CERKL: variants seen among roughly 807,000 people sequenced by gnomAD.
The protein encoded by CERKL is CERK like autophagy regulator.
CERKL carries 61 observed loss-of-function variants against 63.4 expected under a neutral mutation model. That is an observed-to-expected ratio of 0.96 (90% CI 0.78 to 1.19). The LOEUF is 1.19. CERKL is among the 50% of genes most tolerant of loss of function. The pLI is 0.00. For synonymous variants in CERKL, 250 were observed against 230.5 expected (o/e 1.08, Z -0.77); for missense variants, 675 against 655.5 (o/e 1.03, Z -0.33).
At chr2:181,614,829 A>G (rs1187501219) in intron 1 of CERKL, among the ~76,000 whole-genome samples, 1 of 152,210 alleles carries the variant, frequency 6.6e-6, no homozygotes, top group East Asian at 1.9e-4. Context: ...ATGTTAAAAC[A>G]TACCTTTATT....
rs140473801 is a variant in CERKL, at chr2:181,653,616, G to A, written c.238+3153C>T. ...TCAATTGTGAATGCTAAGCCTGGAG[G>A]ACATCGTGTTAAGAGAAGTAACCCA... On this transcript the variant is annotated intron_variant, in intron 1 of 12. Transcript: ENST00000410087. Among the ~76,000 whole-genome samples, 956 of 152,304 alleles carry A rather than the reference G, an allele frequency of 6.3e-3. 7 individuals carry two copies. The highest frequency in any genetic ancestry group is 0.022 in the African/African-American group (907 of 41,558).
chr2:181,577,450 A>C (rs1684300227), intron 2 of CERKL, among the ~76,000 whole-genome samples: 1 of 152,080 alleles, frequency 6.6e-6, no homozygotes, highest in Admixed American at 6.5e-5. Context: ...CTCCAGGACC[A>C]GTGGTATGAA....
intron 2 of CERKL, among the ~76,000 whole-genome samples, chr2:181,600,133 T>A (rs1036563830): frequency 6.6e-6 from 1 of 152,132 alleles, no homozygotes; most frequent in Non-Finnish European, 1.5e-5. Context: ...AGAAATAAAG[T>A]CTTTCCCAGG....
chr2:181,629,928 A>G (rs978805753), intron 1 of CERKL, among the ~76,000 whole-genome samples: 5 of 149,084 alleles, frequency 3.4e-5, no homozygotes, highest in African/African-American at 9.9e-5. Context: ...GTTATATATC[A>G]TTTTTAAGTA....
chr2:181,545,137 G>C lies in CERKL; in HGVS notation c.1269-341C>G, dbSNP rs564728261. Among the ~76,000 whole-genome samples the C allele has an allele frequency of 2.0e-5, 3 of 152,260 alleles. No homozygotes were observed. The South Asian group carries it at 6.2e-4, about 32-fold the overall frequency. On this transcript the variant is annotated intron_variant, in intron 10 of 12. Coordinates refer to ENST00000410087, the MANE Select transcript of CERKL (RefSeq NM_201548.5). ...GAAATTCTAAATGTGAAACTATGTT[G>C]TTAAAAGATGTATTATAGAAGAGTT...
chr2:181,589,869 G>C lies in CERKL; in HGVS notation c.481+13968C>G, dbSNP rs917193484. Reference sequence around the variant, plus strand: ...AGAAATGGTCTCACTCTGTTGCCTAGGCTGGAGTGCAATGGCACAATCACT... The same window carrying C: ...AGAAATGGTCTCACTCTGTTGCCTACGCTGGAGTGCAATGGCACAATCACT... On this transcript the variant is annotated intron_variant, in intron 2 of 12. Coordinates refer to ENST00000410087, the MANE Select transcript of CERKL (RefSeq NM_201548.5). Among the ~76,000 whole-genome samples, 4 of 152,136 alleles carry C rather than the reference G, an allele frequency of 2.6e-5. No individual in the cohort carries two copies. In the South Asian group the frequency reaches 8.3e-4, roughly 32 times the overall value.
intron 2 of CERKL, among the ~76,000 whole-genome samples, chr2:181,591,817 G>A (rs1685001350): frequency 6.6e-6 from 1 of 152,154 alleles, no homozygotes; most frequent in Non-Finnish European, 1.5e-5. Context: ...AGTCTACAAG[G>A]TATGACCTCC....
At chr2:181,618,107 G>A (rs1250626081) in intron 1 of CERKL, among the ~76,000 whole-genome samples, 2 of 152,156 alleles carry the variant, frequency 1.3e-5, no homozygotes, top group East Asian at 3.8e-4. Context: ...GATAGACAAA[G>A]GAGACTCAAG....
chr2:181,583,574 C>T (rs1044326419), intron 2 of CERKL, among the ~76,000 whole-genome samples: 1 of 152,196 alleles, frequency 6.6e-6, no homozygotes, highest in African/African-American at 2.4e-5. Flanking sequence ...GATAGTGGTA[C>T]AGCAGTAGTG....
At chr2:181,644,677 C>A (rs576712440) in intron 1 of CERKL, among the ~76,000 whole-genome samples, 1 of 152,204 alleles carries the variant, frequency 6.6e-6, no homozygotes, top group Non-Finnish European at 1.5e-5. Flanking sequence ...TGAAAAGAAC[C>A]TCAAGGAGCT....
rs1170220257 is a variant in CERKL, at chr2:181,536,729, T to TAAATGACTTTCTGGATTTTAA, written c.*1434_*1454dup. 4.0e-6 allele frequency: 1 copy of TAAATGACTTTCTGGATTTTAA among 248,118 alleles called. No individual in the cohort carries two copies. Among genetic ancestry groups the TAAATGACTTTCTGGATTTTAA allele is most frequent in the African/African-American group, 2.3e-5 (1 of 43,562 alleles). 15.4% of individuals were successfully genotyped at this position (248,118 alleles called of 1,614,324 possible). A position where few individuals can be genotyped will look rare whatever the true frequency, so the allele number is the denominator to read the frequency against. ...GTTCATACTATATGAGGTTCTATTT[T>TAAATGACTTTCTGGATTTTAA]AAATGACTTTCTGGATTTTAAAAAA... On this transcript the variant is annotated 3_prime_UTR_variant, in exon 13 of 13. Coordinates refer to ENST00000410087, the MANE Select transcript of CERKL (RefSeq NM_201548.5).
chr2:181,626,010 T>C (rs1686686548), intron 1 of CERKL, among the ~76,000 whole-genome samples: 1 of 152,164 alleles, frequency 6.6e-6, no homozygotes, highest in African/African-American at 2.4e-5. Context: ...CTGGGTGCCA[T>C]TATTATGATC....
intron 1 of CERKL, among the ~76,000 whole-genome samples, chr2:181,629,805 C>A (rs1027199444): frequency 1.3e-5 from 2 of 151,886 alleles, no homozygotes; most frequent in Non-Finnish European, 2.9e-5. Context: ...TTAGATTGAC[C>A]AAGTTCCACA....
intron 1 of CERKL, among the ~76,000 whole-genome samples, chr2:181,607,810 G>A (rs901484647): frequency 6.6e-6 from 1 of 152,194 alleles, no homozygotes; most frequent in African/African-American, 2.4e-5. Context: ...ATACTGTCCT[G>A]TGAAGTTTAA....
intron 1 of CERKL, among the ~76,000 whole-genome samples, chr2:181,650,775 AAG>A (rs1242496723): frequency 1.3e-5 from 2 of 148,908 alleles, no homozygotes; most frequent in Non-Finnish European, 2.9e-5. Flanking sequence ...AAAAGAAAGA[AAG>A]AAAAAAAAGA....
In CERKL at chr2:181,547,628, G is replaced by A. The variant is rs772997424; in HGVS notation, c.1258C>T (p.Pro420Ser). 1.9e-6 allele frequency: 3 copies of A among 1,613,568 alleles called. No individual in the cohort carries two copies. The highest frequency in any genetic ancestry group is 1.7e-6 in the Non-Finnish European group (2 of 1,179,588). Residue 420 changes from proline (P) to serine (S), a missense_variant, in exon 10 of 13, where the codon CCT becomes TCT. Pro to Ser is a moderately conservative substitution (Grantham distance 74). Coordinates refer to ENST00000410087, the MANE Select transcript of CERKL (RefSeq NM_201548.5). ...LCSVAPRGLA[P>S]NTRLNNGSMA... Reference sequence around the variant, plus strand: ...AAAATGCTTACTAACCTGGTATTAGGTGCCAAGCCTCTAGGTGCCACTGAA... The same window carrying A: ...AAAATGCTTACTAACCTGGTATTAGATGCCAAGCCTCTAGGTGCCACTGAA...
At chr2:181,604,586 C>A (rs1685599795) in intron 1 of CERKL, among the ~76,000 whole-genome samples, 1 of 152,102 alleles carries the variant, frequency 6.6e-6, no homozygotes, top group Non-Finnish European at 1.5e-5. Flanking sequence ...ATTCCAAGAA[C>A]ATAAACAAAG....
intron 11 of CERKL, among the ~76,000 whole-genome samples, chr2:181,539,978 C>T (rs1371411813): frequency 6.6e-6 from 1 of 152,182 alleles, no homozygotes; most frequent in Non-Finnish European, 1.5e-5. Flanking sequence ...TTTCAGTTTT[C>T]AGAAAAATGA....
At chr2:181,548,331 G>C (rs565415314) in intron 8 of CERKL, 155 of 583,216 alleles carry the variant, frequency 2.7e-4, no homozygotes, top group Middle Eastern at 1.3e-3. Flanking sequence ...GGGAGAGACA[G>C]GGGGAAGGAA....
Sources: gnomAD v4.1 joint callset for allele counts (sites outside exome capture counted in the v4.1 genomes callset) on GRCh38, gnomAD v4.1.1 for gene constraint, MANE v1.5 for transcripts, NCBI Gene and HGNC (gene_info 2026-07-23, HGNC 2026-07-21) for gene names.